The following CELSR2 variants were observed in gnomAD, a reference collection of about 807,000 sequenced individuals.
The protein encoded by CELSR2 is cadherin EGF LAG seven-pass G-type receptor 2, also known as EGF-like protein 2.
In CELSR2, 81 loss-of-function variants were observed where a neutral mutation model predicts 251.6. The observed-to-expected ratio is 0.32, with a 90% CI of 0.27 to 0.39. The LOEUF is 0.39. Among genes scored for constraint, CELSR2 ranks in the 10% least tolerant of loss-of-function variants. The pLI is 1.00. For missense variants in CELSR2, 3,365 were observed against 3,947.7 expected, an observed-to-expected ratio of 0.85 and a Z score of 3.96; for synonymous variants, 1,721 against 1,670.5, an observed-to-expected ratio of 1.03 and a Z score of -0.74.
rs756780197 is a variant in CELSR2 at position 109,252,670 on chromosome 1, T to A, written c.2591T>A (p.Phe864Tyr). 6.2e-7 allele frequency: 1 copy of A among 1,613,818 alleles called. No homozygotes were observed. The highest frequency in any genetic ancestry group is 1.1e-5 in the South Asian group (1 of 91,084). The change falls in exon 1 of 34, where the codon TTT (phenylalanine) becomes TAT (tyrosine). Residue 864 changes from phenylalanine to tyrosine, a missense_variant. Phe to Tyr is a conservative substitution (Grantham distance 22). Coordinates refer to ENST00000271332, the MANE Select transcript of CELSR2 (RefSeq NM_001408.3). This position sits in a 1 kb window ranked among gnomAD's most constrained non-coding sequence, Gnocchi z 4.8. ...GGAGGCGACGATGGAGACGGTGACT[T>A]TATTGTTGAGTCCACGTCAGGCATC... ...FQGGDDGDGD[F>Y]IVESTSGIVR...
intron 1 of CELSR2, among the ~76,000 whole-genome samples, chr1:109,255,346 C>T (rs1655817343): frequency 1.3e-5 from 2 of 152,244 alleles, no homozygotes; most frequent in Non-Finnish European, 2.9e-5. Context: ...CTCCCACTTG[C>T]CCATTGCTGG....
intron 1 of CELSR2, among the ~76,000 whole-genome samples, chr1:109,255,275 C>T (rs890969839): frequency 6.6e-6 from 1 of 152,200 alleles, no homozygotes; most frequent in Non-Finnish European, 1.5e-5. Context: ...CCTGCCCATG[C>T]GGAGCCCTGC....
intron 1 of CELSR2, among the ~76,000 whole-genome samples, chr1:109,257,350 T>TA (rs71593475): frequency 0.057 from 7,741 of 135,828 alleles, 279 homozygotes; most frequent in African/African-American, 0.1. Flanking sequence ...GTCTGTCTCT[T>TA]AAAAAAAAAA....
At position 109,253,099 on chromosome 1, in the gene CELSR2, C is replaced by T. The variant is rs1655746029; in HGVS notation, c.3020C>T (p.Ala1007Val). The change falls in exon 1 of 34, where the codon GCT becomes GTT. Residue 1007 changes from alanine to valine, a missense_variant. By Grantham distance (64) the Ala-to-Val change is moderately conservative. This residue lies in a region of CELSR2 where 505 missense variants were observed against 660.0 expected (regional missense o/e 0.77). Coordinates refer to ENST00000271332, the MANE Select transcript of CELSR2 (RefSeq NM_001408.3). ...ACGTCAGCTCCTCTGGTGAGCCGGG[C>T]TACAGTCCACGTCCGCCTCCTTGAC... ...QATSAPLVSR[A>V]TVHVRLLDRN... 6.2e-7 allele frequency: 1 copy of T among 1,613,708 alleles called. No individual in the cohort carries two copies. The highest frequency in any genetic ancestry group is 1.7e-5 in the Admixed American group (1 of 60,002).
Position 109,268,934 on chromosome 1 carries a change from G to T in CELSR2, c.6557G>T (p.Arg2186Leu). 1 of 1,613,310 alleles carries T rather than the reference G, an allele frequency of 6.2e-7. No homozygotes were observed. The highest frequency in any genetic ancestry group is 1.1e-5 in the South Asian group (1 of 91,034). The change falls in exon 19 of 34, where the codon CGC (arginine) becomes CTC (leucine). Residue 2186 changes from arginine to leucine, a missense_variant. By Grantham distance (102) the Arg-to-Leu change is moderately radical (BLOSUM62 -2). Coordinates refer to ENST00000271332, the MANE Select transcript of CELSR2 (RefSeq NM_001408.3). ...AACTTTGCTGGGGCCAAGCTGCCCC[G>T]CTACGAGGCCCTGCGTGGGGAGCAG... ...KGNFAGAKLPRYEALRGEQPP... is the reference protein window; with the variant it reads ...KGNFAGAKLPLYEALRGEQPP...
chr1:109,265,860 G>T lies in CELSR2; in HGVS notation c.5853G>T (p.Gly1951=). The T allele has an allele frequency of 1.1e-5, 17 of 1,614,068 alleles. No individual in the cohort carries two copies. Among genetic ancestry groups the T allele is most frequent in the Non-Finnish European group, 1.4e-5 (17 of 1,180,000 alleles). ...GTCCATGCAAGCCAGGTGTCATCGGGCGTCAGTGTGACCGCTGTGACAACC... is the reference window on the plus strand; with the variant it reads ...GTCCATGCAAGCCAGGTGTCATCGGTCGTCAGTGTGACCGCTGTGACAACC... ...GQCPCKPGVI[G]RQCDRCDNPF... Residue 1951 remains glycine, a synonymous_variant, in exon 14 of 34, where the codon GGG becomes GGT. Coordinates refer to ENST00000271332, the MANE Select transcript of CELSR2 (RefSeq NM_001408.3).
At position 109,258,534 on chromosome 1, in the gene CELSR2, C is replaced by A; in HGVS notation, c.3413C>A (p.Pro1138His). ...ACGCTGCGCCTGGAGGACATGTCAC[C>A]CGAGCGCTTCCTGTCACCACTGCTA... Reference protein sequence around the residue: ...SITLRLEDMSPERFLSPLLGL... With the variant: ...SITLRLEDMSHERFLSPLLGL... Residue 1138 changes from proline (P) to histidine (H), a missense_variant, in exon 2 of 34, where the codon CCC becomes CAC. This residue lies in a region of CELSR2 where 505 missense variants were observed against 660.0 expected (regional missense o/e 0.77). Transcript: ENST00000271332. The A allele has an allele frequency of 1.9e-6, 3 of 1,604,928 alleles. No individual in the cohort carries two copies. Among genetic ancestry groups the A allele is most frequent in the East Asian group, 4.5e-5 (2 of 44,450 alleles).
chr1:109,270,267 C>T, intron 23 of CELSR2, 134 bp downstream of exon 23: 1 of 1,267,712 alleles, frequency 7.9e-7, no homozygotes, highest in Non-Finnish European at 1.1e-6. Flanking sequence ...AGGGTTTCCT[C>T]TTCTGTGGCT....
In CELSR2 at chr1:109,250,090, C is replaced by G. The variant is rs746737254; in HGVS notation, c.11C>G (p.Pro4Arg). Residue 4 changes from proline (P) to arginine (R), a missense_variant, in exon 1 of 34, where the codon CCG becomes CGG. Transcript: ENST00000271332. This position sits in a 1 kb window ranked among gnomAD's most constrained non-coding sequence, Gnocchi z 4.4. MRS[P>R]ATGVPLPTPP... ...CGGGAGCTGGGAGAGATGCGGAGCCCGGCCACCGGCGTCCCCCTCCCAACG... is the reference window on the plus strand; with the variant it reads ...CGGGAGCTGGGAGAGATGCGGAGCCGGGCCACCGGCGTCCCCCTCCCAACG... 6 of 1,509,912 alleles carry G rather than the reference C, an allele frequency of 4.0e-6. No individual in the cohort carries two copies. The South Asian group carries it at 7.4e-5, about 19-fold the overall frequency. The allele number at this position is 1,509,912 out of a possible 1,614,324, so 93.5% of individuals were successfully genotyped here. A position where few individuals can be genotyped will look rare whatever the true frequency, so the allele number is the denominator to read the frequency against.
intron 15 of CELSR2, among the ~76,000 whole-genome samples, chr1:109,267,119 C>T (rs1656220886): frequency 6.6e-6 from 1 of 152,080 alleles, no homozygotes; most frequent in Admixed American, 6.6e-5. Flanking sequence ...GGGTTCCAAT[C>T]GTCAGCTCAC....
In CELSR2 at chr1:109,273,641, C is replaced by A. The variant is rs1656441511; in HGVS notation, c.8715C>A (p.Gly2905=). The A allele has an allele frequency of 2.0e-6, 3 of 1,504,754 alleles. No homozygotes were observed. The highest frequency in any genetic ancestry group is 2.5e-5 in the East Asian group (1 of 40,488). 93.2% of individuals were successfully genotyped at this position (1,504,754 alleles called of 1,614,324 possible). A position where few individuals can be genotyped will look rare whatever the true frequency, so the allele number is the denominator to read the frequency against. The part of the protein sequence containing the change: ...VMPIAMSIKA[G]TVDEDSSGSE... Reference sequence around the variant, plus strand: ...CCATCGCCATGAGCATCAAGGCAGGCACGGTGGATGAGGACTCGTCAGGCT... The same window carrying A: ...CCATCGCCATGAGCATCAAGGCAGGAACGGTGGATGAGGACTCGTCAGGCT... Residue 2905 remains glycine (G), a synonymous_variant, in exon 33 of 34, where the codon GGC becomes GGA. Transcript: ENST00000271332.
Position 109,274,349 on chromosome 1 carries a change from T to C in CELSR2, c.*300T>C, listed in dbSNP as rs953843554. The stretch of plus-strand genomic sequence containing the variant: ...AAAGAATTTAAAAAAGGATCTCCAC[T>C]CTTCATGACTTCAGGGATTCATTTT... On this transcript the variant is annotated 3_prime_UTR_variant, in exon 34 of 34. Coordinates refer to ENST00000271332, the MANE Select transcript of CELSR2 (RefSeq NM_001408.3). The C allele has an allele frequency of 4.6e-5, 25 of 539,082 alleles. No homozygotes were observed. The highest frequency in any genetic ancestry group is 7.5e-5 in the Non-Finnish European group (24 of 318,216). 33.4% of individuals were successfully genotyped at this position (539,082 alleles called of 1,614,324 possible). A position where few individuals can be genotyped will look rare whatever the true frequency, so the allele number is the denominator to read the frequency against.
At chr1:109,255,992 A>G (rs1454170682) in intron 1 of CELSR2, among the ~76,000 whole-genome samples, 2 of 152,338 alleles carry the variant, frequency 1.3e-5, no homozygotes, top group East Asian at 3.9e-4. Flanking sequence ...GAGGGGTGGC[A>G]AAGTTTCTCC....
intron 5 of CELSR2, among the ~76,000 whole-genome samples, 154 bp from the exon 6 acceptor site, chr1:109,262,133 T>C (rs953587704): frequency 6.6e-6 from 1 of 152,248 alleles, no homozygotes; most frequent in African/African-American, 2.4e-5. Context: ...GGTAGTTACA[T>C]GCATAAACCA....
rs41279702 is a variant in CELSR2, at chr1:109,250,861, C to T, written c.782C>T (p.Ala261Val). ...AGCACCCACGTCTTCAGGGTCACGG[C>T]GCAGGACCACGGCATGCCCCGACGA... The part of the protein sequence containing the change: ...TKSTHVFRVT[A>V]QDHGMPRRSA... The change falls in exon 1 of 34, where the codon GCG (alanine) becomes GTG (valine). Residue 261 changes from alanine to valine, a missense_variant. Ala to Val is a moderately conservative substitution (Grantham distance 64). Transcript: ENST00000271332. This position sits in a 1 kb window ranked among gnomAD's most constrained non-coding sequence, Gnocchi z 4.4. 7.3e-5 allele frequency: 118 copies of T among 1,613,970 alleles called. No homozygotes were observed. The highest frequency in any genetic ancestry group is 1.3e-4 in the Admixed American group (8 of 60,024).
At chr1:109,268,508 C>G (rs552129975) in intron 17 of CELSR2, 73 bp from the exon 18 acceptor site, 116 of 1,500,260 alleles carry the variant, frequency 7.7e-5, no homozygotes, top group Non-Finnish European at 1.0e-4. Flanking sequence ...GGCCCGGGCA[C>G]AGGCCGGGGC....
rs772985840 is a variant in CELSR2 at position 109,252,429 on chromosome 1, G to T, written c.2350G>T (p.Ala784Ser). ...TGAAGACCAAGTGTCTTACACCCTG[G>T]CCATTACTGCTCGGGACAATGGCAT... is the stretch of plus-strand genomic sequence containing the variant. ...DYEDQVSYTL[A>S]ITARDNGIPQ... Residue 784 changes from alanine (A) to serine (S), a missense_variant, in exon 1 of 34, where the codon GCC (alanine) becomes TCC (serine). Coordinates refer to ENST00000271332, the MANE Select transcript of CELSR2 (RefSeq NM_001408.3). The surrounding 1 kb of genome is among the most constrained non-coding windows in gnomAD (Gnocchi z 4.8). 19 of 1,613,334 alleles carry T rather than the reference G, an allele frequency of 1.2e-5. No homozygotes were observed. The South Asian group carries it at 1.9e-4, about 16-fold the overall frequency.
Position 109,269,831 on chromosome 1 carries a change from C to T in CELSR2, c.7107+11C>T. On this transcript the variant is annotated intron_variant, in intron 22 of 33. Coordinates refer to ENST00000271332, the MANE Select transcript of CELSR2 (RefSeq NM_001408.3). This position sits in a 1 kb window ranked among gnomAD's most constrained non-coding sequence, Gnocchi z 6.4. Reference sequence around the variant, plus strand: ...GTTTCTCGGCGGGAGGTCGGGCCCACAGGGGCAGCTGCAGAGCCGTGGGTG... The same window carrying T: ...GTTTCTCGGCGGGAGGTCGGGCCCATAGGGGCAGCTGCAGAGCCGTGGGTG... 1.9e-6 allele frequency: 3 copies of T among 1,612,812 alleles called. No individual in the cohort carries two copies. Among genetic ancestry groups the T allele is most frequent in the Middle Eastern group, 1.7e-4 (1 of 6,060 alleles).
At position 109,261,044 on chromosome 1, in the gene CELSR2, G is replaced by GAGCAC; in HGVS notation, c.3962_3966dup (p.Cys1323SerfsTer5). On this transcript the variant is annotated frameshift_variant, in exon 3 of 34. Coordinates refer to ENST00000271332, the MANE Select transcript of CELSR2 (RefSeq NM_001408.3). LOFTEE classifies it high-confidence loss of function. The surrounding 1 kb of genome is among the most constrained non-coding windows in gnomAD (Gnocchi z 4.8). ...CACCTGCCTTTCCTCTTGTCCAGGT[G>GAGCAC]AGCACTGTGAGGTGAGTGCTCGCTC... 6.2e-7 allele frequency: 1 copy of GAGCAC among 1,609,248 alleles called. No homozygotes were observed. The highest frequency in any genetic ancestry group is 8.5e-7 in the Non-Finnish European group (1 of 1,176,920).
Sources: gnomAD v4.1 joint callset for allele counts (sites outside exome capture counted in the v4.1 genomes callset) on GRCh38, gnomAD v4.1.1 for gene constraint, gnomAD v4.1.1 regional missense constraint, Gnocchi (gnomAD v3.1) non-coding constraint, MANE v1.5 for transcripts, NCBI Gene and HGNC (gene_info 2026-07-23, HGNC 2026-07-21) for gene names.